The following GLRX5 variants were observed in gnomAD, a reference collection of about 807,000 sequenced individuals.
GLRX5 encodes glutaredoxin-related protein 5, mitochondrial.
GLRX5 carries 10 observed loss-of-function variants against 13.8 expected under a neutral mutation model. The ratio of observed to expected loss-of-function variants is 0.72; its 90% confidence interval spans 0.45 to 1.23. GLRX5 has a LOEUF of 1.23. Among genes scored for constraint, GLRX5 ranks in the 50% most tolerant of loss-of-function variants. The pLI is 0.00. For missense variants in GLRX5, 233 were observed against 215.2 expected, an observed-to-expected ratio of 1.08 and a Z score of -0.52; for synonymous variants, 98 against 101.1, an observed-to-expected ratio of 0.97 and a Z score of 0.18.
rs761743525 is a variant in GLRX5, at chr14:95,535,084, G to A, written c.-6G>A. ...GGCCGTCGTGGGCTCCGGCTTGCGT[G>A]CGGAGATGAGCGGGTCCCTCGGCCG... On this transcript the variant is annotated 5_prime_UTR_variant, in exon 1 of 2. Transcript: ENST00000331334. The A allele has an allele frequency of 1.4e-4, 189 of 1,333,622 alleles. 1 individual carries two copies. In the Middle Eastern group the frequency reaches 2.7e-3, roughly 19 times the overall value. 82.6% of individuals were successfully genotyped at this position (1,333,622 alleles called of 1,614,324 possible). A position where few individuals can be genotyped will look rare whatever the true frequency, so the allele number is the denominator to read the frequency against.
intron 1 of GLRX5, among the ~76,000 whole-genome samples, chr14:95,540,459 T>G (rs112975483): frequency 0.014 from 2,116 of 152,252 alleles, 30 homozygotes; most frequent in Non-Finnish European, 0.023. Flanking sequence ...GCTAAAAGAT[T>G]AACAGATTTG....
At chr14:95,537,698 CT>C (rs1159173777) in intron 1 of GLRX5, among the ~76,000 whole-genome samples, 1 of 152,242 alleles carries the variant, frequency 6.6e-6, no homozygotes, top group Non-Finnish European at 1.5e-5. Flanking sequence ...CAAAACTGGC[CT>C]TTTGTTGGTT....
chr14:95,535,420 C>G (rs977658650), intron 1 of GLRX5, 36 bp downstream of exon 1: 4 of 1,532,448 alleles, frequency 2.6e-6, no homozygotes, highest in Non-Finnish European at 3.5e-6. Flanking sequence ...CCCTCCGCCC[C>G]GGGCCCAGGA....
At chr14:95,542,841 CTA>C (rs1249821447) in intron 1 of GLRX5, 2 of 339,076 alleles carry the variant, frequency 5.9e-6, no homozygotes, top group African/African-American at 4.3e-5. Flanking sequence ...TAATGGCCGA[CTA>C]TGTTTTTGAA....
intron 1 of GLRX5, among the ~76,000 whole-genome samples, chr14:95,540,568 G>T (rs1325768968): frequency 6.6e-6 from 1 of 152,164 alleles, no homozygotes; most frequent in Non-Finnish European, 1.5e-5. Flanking sequence ...TCTAGTGAGG[G>T]TCTACTGATT....
intron 1 of GLRX5, among the ~76,000 whole-genome samples, chr14:95,539,886 TA>T (rs1891443014): frequency 1.5e-5 from 1 of 65,524 alleles, no homozygotes; most frequent in Non-Finnish European, 2.9e-5. Flanking sequence ...ATAAATGGTA[TA>T]TATATATATA....
In GLRX5 at chr14:95,544,038, C is replaced by T; in HGVS notation, c.387C>T (p.His129=). 6.2e-7 allele frequency: 1 copy of T among 1,613,110 alleles called. No homozygotes were observed. Among genetic ancestry groups the T allele is most frequent in the Non-Finnish European group, 8.5e-7 (1 of 1,179,044 alleles). The stretch of plus-strand genomic sequence containing the variant: ...GCTGTGACATTCTTCTGCAGATGCA[C>T]CAGAATGGGGACTTGGTGGAAGAAC... The part of the protein sequence containing the change: ...VGGCDILLQM[H]QNGDLVEELK... The change falls in exon 2 of 2, where the codon CAC becomes CAT. Residue 129 remains histidine (H), a synonymous_variant. Transcript: ENST00000331334.
Position 95,535,209 on chromosome 14 carries a change from C to T in GLRX5, c.120C>T (p.Gly40=). 2.6e-6 allele frequency: 4 copies of T among 1,518,916 alleles called. No homozygotes were observed. The highest frequency in any genetic ancestry group is 2.9e-5 in the African/African-American group (2 of 69,982). 94.1% of individuals were successfully genotyped at this position (1,518,916 alleles called of 1,614,324 possible). ...CGGGCTCGGGCGCGGGCGGCGGCGG[C>T]TCGGCGGAGCAGTTGGACGCGCTGG... is the stretch of plus-strand genomic sequence containing the variant. ...RAAGSGAGGG[G]SAEQLDALVK... The change falls in exon 1 of 2, where the codon GGC becomes GGT. Residue 40 remains glycine (G), a synonymous_variant. Coordinates refer to ENST00000331334, the MANE Select transcript of GLRX5 (RefSeq NM_016417.3).
intron 1 of GLRX5, among the ~76,000 whole-genome samples, chr14:95,542,732 ATATC>A (rs979255029): frequency 9.2e-5 from 14 of 152,362 alleles, no homozygotes; most frequent in East Asian, 3.9e-4. Flanking sequence ...CCATTTAAAA[ATATC>A]TATCTATGTA....
At chr14:95,536,962 TA>T (rs1394434452) in intron 1 of GLRX5, among the ~76,000 whole-genome samples, 1 of 152,208 alleles carries the variant, frequency 6.6e-6, no homozygotes. Flanking sequence ...TGCCACCAGT[TA>T]CTGGGCTCAG....
At chr14:95,539,357 A>C (rs778257973) in intron 1 of GLRX5, among the ~76,000 whole-genome samples, 1 of 152,242 alleles carries the variant, frequency 6.6e-6, no homozygotes, top group South Asian at 2.1e-4. Flanking sequence ...TTAGCAGCAG[A>C]CCAGATAAAT....
intron 1 of GLRX5, among the ~76,000 whole-genome samples, chr14:95,541,961 T>C (rs1891480919): frequency 6.6e-6 from 1 of 152,244 alleles, no homozygotes; most frequent in South Asian, 2.1e-4. Flanking sequence ...AGGTCGTTCA[T>C]GCACATAAAT....
chr14:95,543,736 C>T (rs1304837968), intron 1 of GLRX5: 3 of 576,544 alleles, frequency 5.2e-6, no homozygotes, highest in East Asian at 2.9e-5. Flanking sequence ...TGAGGGCTGA[C>T]GGTTTGTAAT....
At chr14:95,538,676 A>G (rs1891422179) in intron 1 of GLRX5, among the ~76,000 whole-genome samples, 1 of 152,106 alleles carries the variant, frequency 6.6e-6, no homozygotes, top group Non-Finnish European at 1.5e-5. Context: ...TATTCTAGAG[A>G]GGGGGATCTG....
rs1206643562 is a variant in GLRX5 at position 95,536,397 on chromosome 14, C to A, written c.295+1013C>A. On this transcript the variant is annotated intron_variant, in intron 1 of 1. Coordinates refer to ENST00000331334, the MANE Select transcript of GLRX5 (RefSeq NM_016417.3). ...TACCTGCATCCCAGTTAGAGACTTT[C>A]AGTGACTGAGTCCCTGCATGTCCCT... Among the ~76,000 whole-genome samples, 2 of 152,190 alleles carry A rather than the reference C, an allele frequency of 1.3e-5. 1 individual carries two copies. The highest frequency in any genetic ancestry group is 4.1e-4 in the South Asian group (2 of 4,824).
chr14:95,539,768 T>C lies in GLRX5; in HGVS notation c.296-4179T>C, dbSNP rs994949077. 3.3e-5 allele frequency among the ~76,000 whole-genome samples: 5 copies of C among 152,216 alleles called. No individual in the cohort carries two copies. In the South Asian group the frequency reaches 6.2e-4, roughly 19 times the overall value. ...TCTGAGCCTTAGTTTCTTCATCTTA[T>C]GTAAAGTAGGGATAATTGTACCTGC... is the stretch of plus-strand genomic sequence containing the variant. On this transcript the variant is annotated intron_variant, in intron 1 of 1. Transcript: ENST00000331334.
chr14:95,541,301 T>TA (rs5810730), intron 1 of GLRX5, among the ~76,000 whole-genome samples: 23,746 of 152,202 alleles, frequency 0.16, 1,998 homozygotes, highest in African/African-American at 0.21. Flanking sequence ...ATATTCAACT[T>TA]ATGAAGAGTA....
chr14:95,535,392 C>A lies in GLRX5; in HGVS notation c.295+8C>A. 1 of 1,547,252 alleles carries A rather than the reference C, an allele frequency of 6.5e-7. No individual in the cohort carries two copies. On this transcript the variant is annotated splice_region_variant and intron_variant, in intron 1 of 1. Coordinates refer to ENST00000331334, the MANE Select transcript of GLRX5 (RefSeq NM_016417.3). ...ACCCGGAGCTCCGACAAGGTCAGGC[C>A]AGTGTGCCGGGCAGGCGCCCTCCGC...
Position 95,535,275 on chromosome 14 carries a change from G to A in GLRX5, c.186G>A (p.Pro62=). The A allele has an allele frequency of 2.5e-6, 4 of 1,570,454 alleles. No individual in the cohort carries two copies. The highest frequency in any genetic ancestry group is 2.3e-5 in the South Asian group (2 of 85,532). The change falls in exon 1 of 2, where the codon CCG becomes CCA. Residue 62 remains proline (P), a synonymous_variant. Transcript: ENST00000331334. ...DKVVVFLKGT[P]EQPQCGFSNA... ...TGGTGGTCTTCCTCAAGGGGACGCC[G>A]GAGCAGCCCCAGTGCGGCTTCAGCA...
Sources: gnomAD v4.1 joint callset for allele counts (sites outside exome capture counted in the v4.1 genomes callset) on GRCh38, gnomAD v4.1.1 for gene constraint, MANE v1.5 for transcripts, NCBI Gene and HGNC (gene_info 2026-07-23, HGNC 2026-07-21) for gene names.